The following EGFL6 variants were observed in gnomAD, a reference collection of about 807,000 sequenced individuals.
The protein encoded by EGFL6 is EGF like domain multiple 6, also known as epidermal growth factor-like protein 6.
In EGFL6, 42 loss-of-function variants were observed where a neutral mutation model predicts 43.1. The observed-to-expected ratio is 0.98, with a 90% confidence interval of 0.76 to 1.26. EGFL6 has a LOEUF of 1.26. EGFL6 is among the 50% of genes most tolerant of loss of function. The pLI is 0.00. For synonymous variants in EGFL6, 164 were observed against 163.2 expected, an observed-to-expected ratio of 1.01 and a Z score of -0.04; for missense variants, 429 against 427.8, an observed-to-expected ratio of 1.00 and a Z score of -0.02.
At chrX:13,628,263 T>C (rs188676504) in intron 11 of EGFL6, among the ~76,000 whole-genome samples, 15 of 111,110 alleles carry the variant, frequency 1.4e-4, no homozygotes, top group African/African-American at 3.9e-4. Context: ...AGTTAATCTT[T>C]TATTGCACAG....
At chrX:13,597,856 T>C (rs1421590811) in intron 3 of EGFL6, among the ~76,000 whole-genome samples, 1 of 112,405 alleles carries the variant, frequency 8.9e-6, no homozygotes, top group Admixed American at 9.4e-5. Flanking sequence ...AGCAGAAAAC[T>C]TGGTTTTCCA....
At chrX:13,608,485 A>G (rs1468048221) in intron 7 of EGFL6, 39 bp downstream of exon 7, 2 of 1,191,845 alleles carry the variant, frequency 1.7e-6, no homozygotes, top group Non-Finnish European at 2.3e-6. Flanking sequence ...GCTATTCCCA[A>G]TGAAGCATTC....
chrX:13,624,962 T>C (rs1357410039), intron 10 of EGFL6: 1 of 112,098 alleles, frequency 8.9e-6, no homozygotes, highest in Non-Finnish European at 1.9e-5. Context: ...GAAAACATCA[T>C]ATCATTGGAA....
intron 9 of EGFL6, among the ~76,000 whole-genome samples, chrX:13,620,101 G>A (rs1030501458): frequency 8.9e-6 from 1 of 111,902 alleles, no homozygotes; most frequent in Non-Finnish European, 1.9e-5. Flanking sequence ...TGTGGATACA[G>A]AGAGGGATAA....
intron 7 of EGFL6, among the ~76,000 whole-genome samples, chrX:13,613,308 C>T (rs745533331): frequency 1.8e-5 from 2 of 109,531 alleles, no homozygotes; most frequent in East Asian, 5.7e-4. Context: ...AAGGAAGAAG[C>T]ACCCTAAATG....
rs748271826 is a variant in EGFL6 at position 13,633,006 on chromosome X, G to A, written c.1573G>A (p.Gly525Ser). 1 of 1,206,150 alleles carries A rather than the reference G, an allele frequency of 8.3e-7. No homozygotes were observed. The highest frequency in any genetic ancestry group is 1.8e-5 in the African/African-American group (1 of 57,031). The change falls in exon 12 of 12, where the codon GGC (glycine) becomes AGC (serine). Residue 525 changes from glycine (G) to serine (S), a missense_variant. By Grantham distance (56) the Gly-to-Ser change is moderately conservative. Coordinates refer to ENST00000361306, the MANE Select transcript of EGFL6 (RefSeq NM_015507.4). ...TKSIIFEAER[G>S]KGKTGEIAVD... ...TTAGATCATTTTTGAAGCAGAACGT[G>A]GCAAGGGCAAAACCGGCGAAATCGC...
rs186731672 is a variant in EGFL6 at position 13,601,364 on chromosome X, C to T, written c.400+1270C>T. 5.4e-3 allele frequency among the ~76,000 whole-genome samples: 598 copies of T among 111,404 alleles called. 3 individuals are homozygous for T. The highest frequency in any genetic ancestry group is 9.7e-3 in the Admixed American group (102 of 10,501). On this transcript the variant is annotated intron_variant, in intron 4 of 11. Transcript: ENST00000361306. ...CCTGTGGGAGAGTGAGAGTCTATAC[C>T]CATTCATTTATTGAGAGGGAAGGCT...
At chrX:13,600,735 TA>T (rs61660775) in intron 4 of EGFL6, among the ~76,000 whole-genome samples, 207 of 50,387 alleles carry the variant, frequency 4.1e-3, no homozygotes, top group Middle Eastern at 0.035. Flanking sequence ...CTGTCTCTAC[TA>T]AAAAAAAAAA....
Position 13,627,366 on chromosome X carries a change from G to A in EGFL6, c.1551+90G>A, listed in dbSNP as rs1005831490. ...ACAAAACATTTACTGAAGTATGTAG[G>A]CATTAAGGATACAACGATAAGACTT... On this transcript the variant is annotated intron_variant, in intron 11 of 11. Transcript: ENST00000361306. 61 of 1,070,043 alleles carry A rather than the reference G, an allele frequency of 5.7e-5. No individual in the cohort carries two copies. In the East Asian group the frequency reaches 1.7e-3, roughly 30 times the overall value. 88.2% of individuals were successfully genotyped at this position (1,070,043 alleles called of 1,213,427 possible).
intron 9 of EGFL6, among the ~76,000 whole-genome samples, chrX:13,621,514 G>T (rs2146706899): frequency 8.9e-6 from 1 of 112,238 alleles, no homozygotes; most frequent in African/African-American, 3.2e-5. Context: ...GACAGGGGAA[G>T]CCTGAATTCC....
At chrX:13,628,023 T>A (rs950812083) in intron 11 of EGFL6, among the ~76,000 whole-genome samples, 1 of 111,713 alleles carries the variant, frequency 9.0e-6, no homozygotes, top group African/African-American at 3.3e-5. Flanking sequence ...ACTTTAGTTA[T>A]CTAGTCTCCA....
At chrX:13,620,443 G>C (rs2045743228) in intron 9 of EGFL6, among the ~76,000 whole-genome samples, 1 of 109,717 alleles carries the variant, frequency 9.1e-6, no homozygotes, top group Non-Finnish European at 1.9e-5. Context: ...TGTGCTAATT[G>C]ATTCCCTTTT....
At position 13,591,368 on chromosome X, in the gene EGFL6, G is replaced by A. The variant is rs370848231; in HGVS notation, c.187+1700G>A. 8.3e-4 allele frequency among the ~76,000 whole-genome samples: 93 copies of A among 111,651 alleles called. No homozygotes were observed. In the South Asian group the frequency reaches 0.025, roughly 30 times the overall value. On this transcript the variant is annotated intron_variant, in intron 2 of 11. Transcript: ENST00000361306. Reference sequence around the variant, plus strand: ...GCTGGTGAATAAATGAAGGCAAGGTGTTAAAAGGGCAAGTGCAGGGGGTTC... The same window carrying A: ...GCTGGTGAATAAATGAAGGCAAGGTATTAAAAGGGCAAGTGCAGGGGGTTC...
intron 11 of EGFL6, among the ~76,000 whole-genome samples, chrX:13,627,664 G>A (rs1015876220): frequency 1.8e-5 from 2 of 111,564 alleles, no homozygotes; most frequent in Non-Finnish European, 3.8e-5. Flanking sequence ...TTTTTTAAAC[G>A]GAACTGAGAG....
intron 3 of EGFL6, among the ~76,000 whole-genome samples, chrX:13,595,926 C>A (rs1024127333): frequency 2.7e-5 from 3 of 110,461 alleles, no homozygotes; most frequent in African/African-American, 6.6e-5. Context: ...CACTACGTTG[C>A]CCAGGCTGGT....
At position 13,569,612 on chromosome X, in the gene EGFL6, C is replaced by A. The variant is rs1235197159; in HGVS notation, c.-250C>A. On this transcript the variant is annotated 5_prime_UTR_variant, in exon 1 of 12. Coordinates refer to ENST00000361306, the MANE Select transcript of EGFL6 (RefSeq NM_015507.4). ...CCCCGCCCTCCCTCGCTCACCCCGT[C>A]CAGCTTCATCCGCAGAGGAGCCTCG... 3.0e-6 allele frequency: 1 copy of A among 337,021 alleles called. No individual in the cohort carries two copies. Among genetic ancestry groups the A allele is most frequent in the Non-Finnish European group, 5.3e-6 (1 of 189,633 alleles). The allele number at this position is 337,021 out of a possible 1,213,427, so 27.8% of individuals were successfully genotyped here. A position where few individuals can be genotyped will look rare whatever the true frequency, so the allele number is the denominator to read the frequency against.
chrX:13,573,259 G>A (rs2045452893), intron 1 of EGFL6, among the ~76,000 whole-genome samples: 1 of 111,802 alleles, frequency 8.9e-6, no homozygotes, highest in Admixed American at 9.5e-5. Flanking sequence ...AGCCTGAGCT[G>A]TAAGTCTGTT....
chrX:13,574,338 GCT>G (rs776027720), intron 1 of EGFL6, among the ~76,000 whole-genome samples: 1 of 111,835 alleles, frequency 8.9e-6, no homozygotes, highest in Non-Finnish European at 1.9e-5. Flanking sequence ...TGTGCCAACA[GCT>G]ATTTGCCACT....
chrX:13,570,684 T>A (rs1298859212), intron 1 of EGFL6, among the ~76,000 whole-genome samples: 1 of 112,120 alleles, frequency 8.9e-6, no homozygotes, highest in East Asian at 2.8e-4. Flanking sequence ...ACTTCAGGAC[T>A]ATTAACCTAC....
Sources: allele counts gnomAD v4.1 joint callset (sites outside exome capture counted in the v4.1 genomes callset), GRCh38; gene constraint gnomAD v4.1.1; transcripts MANE v1.5; gene names NCBI Gene and HGNC (gene_info 2026-07-23, HGNC 2026-07-21).